MYOM2: variants seen among roughly 807,000 people sequenced by gnomAD.
MYOM2 encodes the protein myomesin-2.
In MYOM2, 254 loss-of-function variants were observed where a neutral mutation model predicts 187.6. That is an observed-to-expected ratio of 1.35 (90% confidence interval 1.22 to 1.50). The LOEUF (loss-of-function observed/expected upper bound fraction) is 1.50. Among genes scored for constraint, MYOM2 ranks in the 40% most tolerant of loss-of-function variants. The pLI, the probability that MYOM2 is intolerant of heterozygous loss-of-function variation, is 0.00. For synonymous variants in MYOM2, 981 were observed against 753.8 expected (o/e 1.30, Z -4.94); for missense variants, 2,796 against 1,924.0 (o/e 1.45, Z -8.48).
intron 23 of MYOM2, among the ~76,000 whole-genome samples, chr8:2,107,091 G>A (rs916962060): frequency 6.6e-6 from 1 of 152,154 alleles, no homozygotes; most frequent in African/African-American, 2.4e-5. Flanking sequence ...TCTGTTTAGT[G>A]ATCAAGGGGA....
In MYOM2 at chr8:2,089,856, A is replaced by G. The variant is rs1563450515; in HGVS notation, c.1645-152A>G. The stretch of plus-strand genomic sequence containing the variant: ...TTGGCATCATGTTTCATAAAACTCA[A>G]AAAAGATGCATGACCATCCTTTGTG... On this transcript the variant is annotated intron_variant, in intron 14 of 36. Coordinates refer to ENST00000262113, the MANE Select transcript of MYOM2 (RefSeq NM_003970.4). The G allele has an allele frequency of 1.2e-5, 7 of 560,876 alleles. No individual in the cohort carries two copies. In the South Asian group the frequency reaches 1.4e-4, roughly 12 times the overall value. The allele number at this position is 560,876 out of a possible 1,614,324, so 34.7% of individuals were successfully genotyped here.
At chr8:2,078,619 G>A (rs907470655) in intron 11 of MYOM2, 115 bp from the exon 12 acceptor site, 36 of 920,594 alleles carry the variant, frequency 3.9e-5, no homozygotes, top group South Asian at 1.2e-4. Flanking sequence ...AGATTTTACT[G>A]GCGTGAGATA....
chr8:2,052,329 C>A lies in MYOM2; in HGVS notation c.263+16C>A, dbSNP rs1818519947. Reference sequence around the variant, plus strand: ...ACAGAAGCAGGTGAGCACATGGCTTCCCTGACTCCACTTGTGCCCTGCGTG... The same window carrying A: ...ACAGAAGCAGGTGAGCACATGGCTTACCTGACTCCACTTGTGCCCTGCGTG... On this transcript the variant is annotated intron_variant, in intron 3 of 36. Coordinates refer to ENST00000262113, the MANE Select transcript of MYOM2 (RefSeq NM_003970.4). The A allele has an allele frequency of 6.3e-7, 1 of 1,585,626 alleles. No homozygotes were observed. Among genetic ancestry groups the A allele is most frequent in the South Asian group, 1.1e-5 (1 of 87,444 alleles).
intron 33 of MYOM2, 28 bp from the exon 34 acceptor site, chr8:2,141,113 T>C (rs1227357128): frequency 1.9e-6 from 3 of 1,603,700 alleles, no homozygotes; most frequent in Non-Finnish European, 2.6e-6. Flanking sequence ...CTGAAATGGT[T>C]AGTAACGTAT....
At chr8:2,061,315 G>A (rs1409073386) in intron 6 of MYOM2, among the ~76,000 whole-genome samples, 4 of 152,054 alleles carry the variant, frequency 2.6e-5, no homozygotes, top group Admixed American at 6.6e-5. Context: ...GAGGGAGGGC[G>A]TCTTTGTCCC....
intron 10 of MYOM2, 76 bp downstream of exon 10, chr8:2,073,576 G>A (rs1819313450): frequency 1.3e-6 from 2 of 1,482,656 alleles, no homozygotes; most frequent in Non-Finnish European, 1.8e-6. Flanking sequence ...GAGGAGGGAG[G>A]CGCTGGGAAA....
At chr8:2,135,703 G>A (rs1010380444) in intron 32 of MYOM2, among the ~76,000 whole-genome samples, 4 of 152,152 alleles carry the variant, frequency 2.6e-5, no homozygotes, top group Non-Finnish European at 5.9e-5. Context: ...CAAGTAATAC[G>A]AAGAAGAGGT....
chr8:2,068,042 T>C (rs1048995656), intron 6 of MYOM2, among the ~76,000 whole-genome samples: 5 of 152,066 alleles, frequency 3.3e-5, no homozygotes, highest in African/African-American at 1.2e-4. Flanking sequence ...CTTCGATGGG[T>C]TTTCGGTGGT....
rs771222686 is a variant in MYOM2 at position 2,052,233 on chromosome 8, G to T, written c.183G>T (p.Thr61=). 5.6e-6 allele frequency: 9 copies of T among 1,613,258 alleles called. No individual in the cohort carries two copies. The highest frequency in any genetic ancestry group is 4.4e-5 in the South Asian group (4 of 90,792). ...CTTCACAGAGAGCCTCCAGCCAGAC[G>T]TCCCTGGGAGGAACCATCTGCAGGG... ...RSSSQRASSQ[T]SLGGTICRVC... Residue 61 remains threonine (T), a synonymous_variant, in exon 3 of 37, where the codon ACG becomes ACT. Transcript: ENST00000262113.
chr8:2,096,547 T>C (rs565714280), intron 18 of MYOM2, 113 bp downstream of exon 18: 247 of 969,534 alleles, frequency 2.5e-4, no homozygotes, highest in Non-Finnish European at 3.6e-4. Context: ...CAAAAATGGA[T>C]TAAAAAATAG....
intron 5 of MYOM2, 144 bp downstream of exon 5, chr8:2,057,924 C>T: frequency 1.3e-6 from 1 of 781,574 alleles, no homozygotes; most frequent in Non-Finnish European, 1.9e-6. Context: ...TTTATAGAAG[C>T]TCTGAACGTT....
rs756601630 is a variant in MYOM2 at position 2,109,426 on chromosome 8, G to A, written c.3075G>A (p.Glu1025=). The A allele has an allele frequency of 1.2e-6, 2 of 1,610,894 alleles. No homozygotes were observed. The highest frequency in any genetic ancestry group is 3.4e-5 in the Admixed American group (2 of 59,292). The change falls in exon 25 of 37, where the codon GAG becomes GAA. Residue 1025 remains glutamate (E), a synonymous_variant. Transcript: ENST00000262113. ...TIPLKSELAY[E]IFDKGRVRFW... ...CTCTGAAATCGGAATTAGCTTATGA[G>A]ATTTTTGATAAGGGGCGGGTTCGCT...
intron 5 of MYOM2, among the ~76,000 whole-genome samples, chr8:2,058,292 G>A (rs1031071583): frequency 5.9e-5 from 9 of 152,086 alleles, no homozygotes; most frequent in African/African-American, 1.9e-4. Flanking sequence ...GTCCTGGGGT[G>A]ACAGGCATGA....
intron 18 of MYOM2, among the ~76,000 whole-genome samples, chr8:2,096,755 G>T (rs540392574): frequency 8.5e-5 from 13 of 152,244 alleles, no homozygotes; most frequent in African/African-American, 3.1e-4. Flanking sequence ...TTGAGGGCAG[G>T]GACGGAGTCT....
At chr8:2,131,936 G>A (rs1022223868) in intron 32 of MYOM2, among the ~76,000 whole-genome samples, 1 of 152,058 alleles carries the variant, frequency 6.6e-6, no homozygotes, top group Non-Finnish European at 1.5e-5. Context: ...AGCTACCGCA[G>A]CCGGCCAATA....
At chr8:2,142,926 T>C (rs1167842487) in intron 35 of MYOM2, among the ~76,000 whole-genome samples, 1 of 151,850 alleles carries the variant, frequency 6.6e-6, no homozygotes, top group Non-Finnish European at 1.5e-5. Flanking sequence ...CGGCTAATTT[T>C]TGTATTTTTA....
intron 8 of MYOM2, 107 bp downstream of exon 8, chr8:2,069,604 C>G (rs1277711191): frequency 7.5e-7 from 1 of 1,327,024 alleles, no homozygotes; most frequent in Admixed American, 1.8e-5. Context: ...TTTTTTGAGA[C>G]GGAGTCTCAC....
At chr8:2,058,923 C>T (rs1012028958) in intron 5 of MYOM2, among the ~76,000 whole-genome samples, 15 of 152,182 alleles carry the variant, frequency 9.9e-5, no homozygotes, top group East Asian at 3.8e-4. Context: ...TTTGATCTGC[C>T]GAATGGGGAA....
At chr8:2,089,397 T>C (rs1025798) in intron 14 of MYOM2, among the ~76,000 whole-genome samples, 111,294 of 152,146 alleles carry the variant, frequency 0.73, 43,305 homozygotes, top group South Asian at 0.91. Context: ...TCTCCATAGA[T>C]TTTAATGCTC....
Sources: allele counts gnomAD v4.1 joint callset (sites outside exome capture counted in the v4.1 genomes callset), GRCh38; gene constraint gnomAD v4.1.1; transcripts MANE v1.5; gene names NCBI Gene and HGNC (gene_info 2026-07-23, HGNC 2026-07-21).